TXNIP: variants seen among roughly 807,000 people sequenced by gnomAD.
The protein encoded by TXNIP is thioredoxin interacting protein.
A neutral mutation model predicts 43.9 loss-of-function variants in TXNIP; 23 were observed. That is an observed-to-expected ratio of 0.52 (90% CI 0.38 to 0.74). TXNIP has a LOEUF of 0.74. Among genes scored for constraint, TXNIP ranks in the 30% least tolerant of loss-of-function variants. The pLI is 0.00. For synonymous variants in TXNIP, 234 were observed against 172.2 expected (o/e 1.36, Z -2.81); for missense variants, 555 against 485.4 (o/e 1.14, Z -1.35).
intron 4 of TXNIP, 49 bp downstream of exon 4, chr1:145,994,880 C>T (rs1651394954): frequency 1.2e-6 from 2 of 1,613,782 alleles, no homozygotes; most frequent in African/African-American, 2.7e-5. Flanking sequence ...CATGCCCTTG[C>T]CCCTAAACCC....
chr1:145,995,521 C>G, intron 1 of TXNIP, 45 bp from the exon 2 acceptor site: 2 of 1,571,682 alleles, frequency 1.3e-6, no homozygotes, highest in Admixed American at 3.3e-5. Context: ...TGCTGTTACA[C>G]TTAAAATGCA....
Position 145,993,711 on chromosome 1 carries a change from A to AC in TXNIP, c.*139dup. 1.1e-6 allele frequency: 1 copy of AC among 929,172 alleles called. No homozygotes were observed. The allele number at this position is 929,172 out of a possible 1,614,324, so 57.6% of individuals were successfully genotyped here. On this transcript the variant is annotated 3_prime_UTR_variant, in exon 8 of 8. Transcript: ENST00000582401. ...AGGCCCAGGAGATTGCCTGCTGACCACCTCCTACATTAGGAAGTCAGAGGC... is the reference window on the plus strand; with the variant it reads ...AGGCCCAGGAGATTGCCTGCTGACCACCCTCCTACATTAGGAAGTCAGAGGC...
Position 145,996,482 on chromosome 1 carries a change from C to T in TXNIP, c.-216G>A, listed in dbSNP as rs1344713260. 9 of 521,198 alleles carry T rather than the reference C, an allele frequency of 1.7e-5. No individual in the cohort carries two copies. Among genetic ancestry groups the T allele is most frequent in the African/African-American group, 3.8e-5 (2 of 52,062 alleles). 32.3% of individuals were successfully genotyped at this position (521,198 alleles called of 1,614,324 possible). On this transcript the variant is annotated 5_prime_UTR_variant, in exon 1 of 8. It adds an upstream start codon to the 5' untranslated region. Coordinates refer to ENST00000582401, the MANE Select transcript of TXNIP (RefSeq NM_006472.6). ...TAAAAAATATACGCCGCTGGTTACA[C>T]TAAGCTAATTCAGAGAAAAAGCCTT... is the stretch of plus-strand genomic sequence containing the variant.
At chr1:145,995,693 T>TCACC in intron 1 of TXNIP, 1 of 625,246 alleles carries the variant, frequency 1.6e-6, no homozygotes, top group Non-Finnish European at 2.8e-6. Context: ...ACTGAAAGAT[T>TCACC]CACCCAGGAC....
At position 145,993,742 on chromosome 1, in the gene TXNIP, T is replaced by C; in HGVS notation, c.*109A>G. 1 of 1,315,776 alleles carries C rather than the reference T, an allele frequency of 7.6e-7. No homozygotes were observed. The highest frequency in any genetic ancestry group is 2.4e-5 in the East Asian group (1 of 41,598). 81.5% of individuals were successfully genotyped at this position (1,315,776 alleles called of 1,614,324 possible). A position where few individuals can be genotyped will look rare whatever the true frequency, so the allele number is the denominator to read the frequency against. The stretch of plus-strand genomic sequence containing the variant: ...TACATTAGGAAGTCAGAGGCTAAGG[T>C]GGACCCACACTCCATTGCAGAGACT... On this transcript the variant is annotated 3_prime_UTR_variant, in exon 8 of 8. Transcript: ENST00000582401.
chr1:145,995,364 T>C, intron 2 of TXNIP, 40 bp downstream of exon 2: 1 of 1,610,294 alleles, frequency 6.2e-7, no homozygotes, highest in South Asian at 1.1e-5. Flanking sequence ...CAAGATATTT[T>C]AGACAGAAAA....
chr1:145,995,778 C>A (rs1197247046), intron 1 of TXNIP: 1 of 621,612 alleles, frequency 1.6e-6, no homozygotes, highest in East Asian at 2.7e-5. Context: ...CTTTAACTAC[C>A]CGAGGCAACG....
rs1553765991 is a variant in TXNIP at position 145,994,347 on chromosome 1, T to C, written c.922A>G (p.Ser308Gly). Residue 308 changes from serine (S) to glycine (G), a missense_variant, in exon 6 of 8, where the codon AGC becomes GGC. Ser to Gly is a moderately conservative substitution (Grantham distance 56, BLOSUM62 0). Transcript: ENST00000582401. ...SRSGLSSRTS[S>G]MASRTSSEMS... The stretch of plus-strand genomic sequence containing the variant: ...TCAGAGCTGGTTCGGCTGGCCATGC[T>C]GGATGTTCTGCTGCTTAGACCTGAT... 2 of 1,614,226 alleles carry C rather than the reference T, an allele frequency of 1.2e-6. No homozygotes were observed. The highest frequency in any genetic ancestry group is 1.7e-5 in the Admixed American group (1 of 60,018).
At position 145,995,525 on chromosome 1, in the gene TXNIP, A is replaced by G; in HGVS notation, c.251-49T>C. 2.6e-6 allele frequency: 4 copies of G among 1,559,266 alleles called. No homozygotes were observed. In the South Asian group the frequency reaches 3.3e-5, roughly 13 times the overall value. Reference sequence around the variant, plus strand: ...GCCATTAGGCTTGCTGTTACACTTAAAATGCATCTGTGTGATAAGGAATGC... The same window carrying G: ...GCCATTAGGCTTGCTGTTACACTTAGAATGCATCTGTGTGATAAGGAATGC... On this transcript the variant is annotated intron_variant, in intron 1 of 7. Transcript: ENST00000582401.
rs782724016 is a variant in TXNIP, at chr1:145,994,637, T to C, written c.738A>G (p.Thr246=). ...SVRGNHIISG[T]CASWRGKSLR... ...GGCTCTTGCCACGCCATGATGCGCA[T>C]GTCCCTGAGATAATATGATTGCCTC... is the stretch of plus-strand genomic sequence containing the variant. The change falls in exon 5 of 8, where the codon ACA becomes ACG. Residue 246 remains threonine, a synonymous_variant. Coordinates refer to ENST00000582401, the MANE Select transcript of TXNIP (RefSeq NM_006472.6). 5.0e-6 allele frequency: 8 copies of C among 1,614,222 alleles called. No individual in the cohort carries two copies. Among genetic ancestry groups the C allele is most frequent in the Admixed American group, 1.7e-5 (1 of 60,010 alleles).
In TXNIP at chr1:145,996,098, T is replaced by A. The variant is rs202190036; in HGVS notation, c.169A>T (p.Met57Leu). 14 of 1,613,924 alleles carry A rather than the reference T, an allele frequency of 8.7e-6. No homozygotes were observed. The highest frequency in any genetic ancestry group is 1.2e-5 in the Non-Finnish European group (14 of 1,180,024). ...TGTTTGCACTGCTGGGATCCCTGCA[T>A]CCAAAGCACTTTAGCCACTCCGCAA... Reference protein sequence around the residue: ...LACGVAKVLWMQGSQQCKQTS... With the variant: ...LACGVAKVLWLQGSQQCKQTS... Residue 57 changes from methionine (M) to leucine (L), a missense_variant, in exon 1 of 8, where the codon ATG (methionine) becomes TTG (leucine). Physicochemically the swap from Met to Leu is conservative, Grantham distance 15. Transcript: ENST00000582401.
chr1:145,994,162 G>A lies in TXNIP; in HGVS notation c.994C>T (p.Pro332Ser). 1 of 1,613,876 alleles carries A rather than the reference G, an allele frequency of 6.2e-7. No homozygotes were observed. The highest frequency in any genetic ancestry group is 2.2e-5 in the East Asian group (1 of 44,900). Residue 332 changes from proline to serine, a missense_variant, in exon 7 of 8, where the codon CCC becomes TCC. Transcript: ENST00000582401. Reference protein sequence around the residue: ...LNIPDTPEAPPCYMDVIPEDH... With the variant: ...LNIPDTPEAPSCYMDVIPEDH... ...TCAGGAATGACATCCATATAGCAGGGAGGAGCTAGAAAAGAAAATATGGCC... is the reference window on the plus strand; with the variant it reads ...TCAGGAATGACATCCATATAGCAGGAAGGAGCTAGAAAAGAAAATATGGCC...
intron 3 of TXNIP, 48 bp from the exon 4 acceptor site, chr1:145,995,079 G>A (rs1651414956): frequency 1.9e-6 from 3 of 1,613,084 alleles, no homozygotes; most frequent in Admixed American, 1.7e-5. Flanking sequence ...TCAATCTAAT[G>A]CCCAAGACGT....
Position 145,993,723 on chromosome 1 carries a change from AG to A in TXNIP, c.*127del, listed in dbSNP as rs1198407308. 14 of 1,049,004 alleles carry A rather than the reference AG, an allele frequency of 1.3e-5. No homozygotes were observed. Among genetic ancestry groups the A allele is most frequent in the Non-Finnish European group, 1.8e-5 (13 of 722,602 alleles). The allele number at this position is 1,049,004 out of a possible 1,614,324, so 65.0% of individuals were successfully genotyped here. On this transcript the variant is annotated 3_prime_UTR_variant, in exon 8 of 8. Coordinates refer to ENST00000582401, the MANE Select transcript of TXNIP (RefSeq NM_006472.6). ...TTGCCTGCTGACCACCTCCTACATTAGGAAGTCAGAGGCTAAGGTGGACCCA... is the reference window on the plus strand; with the variant it reads ...TTGCCTGCTGACCACCTCCTACATTAGAAGTCAGAGGCTAAGGTGGACCCA...
At chr1:145,994,500 C>T in intron 5 of TXNIP, 44 bp downstream of exon 5, 1 of 1,613,398 alleles carries the variant, frequency 6.2e-7, no homozygotes, top group Non-Finnish European at 8.5e-7. Flanking sequence ...GCTGTGGTAA[C>T]AGATGAACAA....
chr1:145,993,551 C>G lies in TXNIP; in HGVS notation c.*300G>C. 3.4e-6 allele frequency: 1 copy of G among 291,534 alleles called. No homozygotes were observed. The highest frequency in any genetic ancestry group is 6.7e-5 in the South Asian group (1 of 14,904). The allele number at this position is 291,534 out of a possible 1,614,324, so 18.1% of individuals were successfully genotyped here. On this transcript the variant is annotated 3_prime_UTR_variant, in exon 8 of 8. Transcript: ENST00000582401. ...CCATTTTTACCTGACCCGAAACTAT[C>G]GAAAAGGCCTCAATTTTCAAGGAGA...
chr1:145,995,209 T>G lies in TXNIP; in HGVS notation c.406A>C (p.Thr136Pro). Residue 136 changes from threonine (T) to proline (P), a missense_variant, in exon 3 of 8, where the codon ACT becomes CCT. Physicochemically the swap from Thr to Pro is conservative, Grantham distance 38 (BLOSUM62 -1). Transcript: ENST00000582401. The stretch of plus-strand genomic sequence containing the variant: ...TCAAAGTTTTTCTTTGTCTCTTGAG[T>G]TGGCTGGCTCGGGCGGTCAAGAAAA... ...KAFLDRPSQP[T>P]QETKKNFEVV... 1.2e-6 allele frequency: 2 copies of G among 1,614,130 alleles called. No homozygotes were observed. Among genetic ancestry groups the G allele is most frequent in the South Asian group, 1.1e-5 (1 of 91,086 alleles).
rs1651409112 is a variant in TXNIP, at chr1:145,995,027, G to A, written c.476C>T (p.Pro159Leu). 6 of 1,614,026 alleles carry A rather than the reference G, an allele frequency of 3.7e-6. No individual in the cohort carries two copies. Among genetic ancestry groups the A allele is most frequent in the Non-Finnish European group, 4.2e-6 (5 of 1,180,002 alleles). The stretch of plus-strand genomic sequence containing the variant: ...TTTCTTTTCTTTTTTAGCAGACACA[G>A]GTGCCTATATAGAAGGGGATAAAAA... The part of the protein sequence containing the change: ...VDVNTPDLMA[P>L]VSAKKEKKVS... The change falls in exon 4 of 8, where the codon CCT (proline) becomes CTT (leucine). Residue 159 changes from proline to leucine, a missense_variant. By Grantham distance (98) the Pro-to-Leu change is moderately conservative. Transcript: ENST00000582401.
Position 145,994,111 on chromosome 1 carries a change from T to C in TXNIP, c.1045A>G (p.Thr349Ala). ...PEDHRLESPT[T>A]PLLDDMDGSQ... The stretch of plus-strand genomic sequence containing the variant: ...CCATCCATGTCATCTAGCAGAGGAG[T>C]GGTTGGGCTCTCCAATCGGTGATCT... The change falls in exon 7 of 8, where the codon ACT becomes GCT. Residue 349 changes from threonine to alanine, a missense_variant. Transcript: ENST00000582401. The C allele has an allele frequency of 6.2e-7, 1 of 1,613,598 alleles. No individual in the cohort carries two copies. Among genetic ancestry groups the C allele is most frequent in the Non-Finnish European group, 8.5e-7 (1 of 1,179,922 alleles).
Sources: gnomAD v4.1 joint callset for allele counts on GRCh38, gnomAD v4.1.1 for gene constraint, MANE v1.5 for transcripts, NCBI Gene and HGNC (gene_info 2026-07-23, HGNC 2026-07-21) for gene names.